Variants in HMGA2 observed in about 807,000 individuals in gnomAD.
HMGA2 encodes the protein high mobility group protein HMGI-C.
In HMGA2, 8 loss-of-function variants were observed where a neutral mutation model predicts 19.1. The observed-to-expected ratio is 0.42, with a 90% CI of 0.25 to 0.76. The LOEUF (loss-of-function observed/expected upper bound fraction) is 0.76, where lower values mean the gene tolerates loss of function less well. HMGA2 is among the 30% of genes least tolerant of loss of function. HMGA2 has a pLI of 0.28. For synonymous variants in HMGA2, 60 were observed against 48.8 expected (o/e 1.23, Z -0.96); for missense variants, 109 against 136.3 (o/e 0.80, Z 1.00).
chr12:65,855,699 A>AGAT (rs3048830), intron 3 of HMGA2, among the ~76,000 whole-genome samples: 65,228 of 148,380 alleles, frequency 0.44, 14,502 homozygotes, highest in East Asian at 0.49. Flanking sequence ...ACCAGAACAC[A>AGAT]GATGATGATG....
chr12:65,939,430 A>C (rs1876010103), intron 3 of HMGA2, among the ~76,000 whole-genome samples: 1 of 151,468 alleles, frequency 6.6e-6, no homozygotes, highest in South Asian at 2.1e-4. Context: ...ATCTCGGCTC[A>C]CTGCAACCTC....
rs1037767974 is a variant in HMGA2, at chr12:65,825,599, G to A, written c.111+218G>A. Among the ~76,000 whole-genome samples, 10 of 151,590 alleles carry A rather than the reference G, an allele frequency of 6.6e-5. No individual in the cohort carries two copies. Among genetic ancestry groups the A allele is most frequent in the Admixed American group, 3.9e-4 (6 of 15,230 alleles). On this transcript the variant is annotated intron_variant, in intron 1 of 4. Coordinates refer to ENST00000403681, the MANE Select transcript of HMGA2 (RefSeq NM_003483.6). This position sits in a 1 kb window ranked among gnomAD's most constrained non-coding sequence, Gnocchi z 4.4. Reference sequence around the variant, plus strand: ...GCGGGGAGGTGGGGAGCCGCGGCGGGCGGCCCGGGGAAGGCGGGAGGTGGG... The same window carrying A: ...GCGGGGAGGTGGGGAGCCGCGGCGGACGGCCCGGGGAAGGCGGGAGGTGGG...
chr12:65,916,882 C>A (rs1253246699), intron 3 of HMGA2, among the ~76,000 whole-genome samples: 1 of 152,132 alleles, frequency 6.6e-6, no homozygotes, highest in Non-Finnish European at 1.5e-5. Context: ...GCTGGGGCAG[C>A]GGCACTTGGG....
chr12:65,919,142 A>T (rs1358549896), intron 3 of HMGA2, among the ~76,000 whole-genome samples: 1 of 152,222 alleles, frequency 6.6e-6, no homozygotes, highest in Non-Finnish European at 1.5e-5. Flanking sequence ...CCCTTTGGGA[A>T]CATTGCGCAG....
Position 65,891,479 on chromosome 12 carries a change from G to A in HMGA2, c.249+52910G>A, listed in dbSNP as rs367661670. Among the ~76,000 whole-genome samples the A allele has an allele frequency of 1.9e-4, 29 of 152,312 alleles. No individual in the cohort carries two copies. The East Asian group carries it at 4.2e-3, about 22-fold the overall frequency. ...AGCAGCATTTAGGGAAGACAGTTAG[G>A]CTTGGGGGTGCGTTCTGTGGTCATG... On this transcript the variant is annotated intron_variant, in intron 3 of 4. Coordinates refer to ENST00000403681, the MANE Select transcript of HMGA2 (RefSeq NM_003483.6).
In HMGA2 at chr12:65,844,753, A is replaced by T. The variant is rs1871165220; in HGVS notation, c.249+6184A>T. Among the ~76,000 whole-genome samples the T allele has an allele frequency of 3.9e-5, 6 of 152,358 alleles. No individual in the cohort carries two copies. The South Asian group carries it at 1.2e-3, about 32-fold the overall frequency. On this transcript the variant is annotated intron_variant, in intron 3 of 4. Coordinates refer to ENST00000403681, the MANE Select transcript of HMGA2 (RefSeq NM_003483.6). ...CCTAACCATTTAGGATTATAAAAAC[A>T]TTGACTGCAGAGTCTGAAGCTCCAG...
At chr12:65,862,494 G>T (rs1352920443) in intron 3 of HMGA2, among the ~76,000 whole-genome samples, 3 of 152,086 alleles carry the variant, frequency 2.0e-5, no homozygotes, top group Admixed American at 6.5e-5. Context: ...AAATATTTTT[G>T]AAAGTGCATT....
intron 3 of HMGA2, among the ~76,000 whole-genome samples, chr12:65,886,155 TATTA>T (rs1873647291): frequency 6.6e-6 from 1 of 152,136 alleles, no homozygotes; most frequent in Non-Finnish European, 1.5e-5. Context: ...TTTACATATA[TATTA>T]TATATGTTGG....
intron 3 of HMGA2, among the ~76,000 whole-genome samples, chr12:65,909,760 A>C (rs1874762928): frequency 6.6e-6 from 1 of 152,206 alleles, no homozygotes; most frequent in African/African-American, 2.4e-5. Context: ...TGGAGATATA[A>C]CCTCATCTCT....
At chr12:65,951,707 A>G (rs1473808891) in intron 4 of HMGA2, 1 of 273,832 alleles carries the variant, frequency 3.7e-6, no homozygotes, top group Admixed American at 5.0e-5. Flanking sequence ...ATTTAATCTT[A>G]TCCTATATTT....
chr12:65,952,429 A>G (rs1175439921), intron 4 of HMGA2: 1 of 1,534,516 alleles, frequency 6.5e-7, no homozygotes, highest in Non-Finnish European at 8.7e-7. Flanking sequence ...AATGCCACTT[A>G]GAAGAGAATT....
At chr12:65,845,861 G>C (rs11175942) in intron 3 of HMGA2, among the ~76,000 whole-genome samples, 33,984 of 152,100 alleles carry the variant, frequency 0.22, 8,071 homozygotes, top group African/African-American at 0.6. Flanking sequence ...GCTCCAGCCA[G>C]CTCTATCATC....
chr12:65,965,652 C>T lies in HMGA2; in HGVS notation c.*2360C>T, dbSNP rs184919666. On this transcript the variant is annotated 3_prime_UTR_variant, in exon 5 of 5. Transcript: ENST00000403681. ...AACAGTGGCTCATAAAAATAAAAGT[C>T]GCATTCCATATCTTTGGATGGGCCT... The T allele has an allele frequency of 2.2e-4, 48 of 221,320 alleles. No individual in the cohort carries two copies. Among genetic ancestry groups the T allele is most frequent in the African/African-American group, 1.0e-3 (45 of 44,774 alleles). 13.7% of individuals were successfully genotyped at this position (221,320 alleles called of 1,614,324 possible).
intron 3 of HMGA2, among the ~76,000 whole-genome samples, chr12:65,946,359 A>G (rs939592905): frequency 2.0e-5 from 3 of 152,204 alleles, no homozygotes; most frequent in Non-Finnish European, 2.9e-5. Flanking sequence ...GGATCTAATT[A>G]TATTAAAATT....
rs968054501 is a variant in HMGA2, at chr12:65,833,713, TC to T, written c.199-4804del. On this transcript the variant is annotated intron_variant, in intron 2 of 4. Transcript: ENST00000403681. ...GTTTTATTTTATATGGGAATAGCTC[TC>T]CAAAGAACAGACACTTCACTGCATT... 7.9e-5 allele frequency among the ~76,000 whole-genome samples: 12 copies of T among 152,296 alleles called. No individual in the cohort carries two copies. The Middle Eastern group carries it at 0.014, about 173-fold the overall frequency.
intron 4 of HMGA2, chr12:65,956,450 G>T (rs1256237685): frequency 2.6e-5 from 4 of 152,244 alleles, no homozygotes; most frequent in Non-Finnish European, 5.9e-5. Context: ...CAAGGACATA[G>T]AAGCACAGGG....
chr12:65,932,928 C>T (rs1159175114), intron 3 of HMGA2, among the ~76,000 whole-genome samples: 3 of 152,160 alleles, frequency 2.0e-5, no homozygotes, highest in African/African-American at 7.2e-5. Flanking sequence ...TGAGGTTGTT[C>T]TTGCCACTGC....
chr12:65,946,291 C>T (rs1039955979), intron 3 of HMGA2, among the ~76,000 whole-genome samples: 1 of 152,056 alleles, frequency 6.6e-6, no homozygotes, highest in Non-Finnish European at 1.5e-5. Flanking sequence ...AAAACAAAAT[C>T]ATATGATTTT....
chr12:65,896,235 T>G (rs1275558723), intron 3 of HMGA2, among the ~76,000 whole-genome samples: 1 of 152,210 alleles, frequency 6.6e-6, no homozygotes, highest in Non-Finnish European at 1.5e-5. Context: ...CTTTATTTGC[T>G]CCAGAATACC....
Sources: gnomAD v4.1 joint callset for allele counts (sites outside exome capture counted in the v4.1 genomes callset) on GRCh38, gnomAD v4.1.1 for gene constraint, Gnocchi (gnomAD v3.1) non-coding constraint, MANE v1.5 for transcripts, NCBI Gene and HGNC (gene_info 2026-07-23, HGNC 2026-07-21) for gene names.